The following MAGI1 variants were observed in gnomAD, a reference collection of about 807,000 sequenced individuals.
MAGI1 encodes the protein membrane associated guanylate kinase, WW and PDZ domain containing 1.
Under a neutral mutation model 139.9 loss-of-function variants are expected in MAGI1, and 58 were observed. The observed-to-expected ratio is 0.41, with a 90% CI of 0.34 to 0.52. MAGI1 has a LOEUF of 0.52. Ranked by LOEUF, MAGI1 falls within the 20% of genes least tolerant of loss-of-function variation. The pLI is 0.12. For missense variants in MAGI1, 1,874 were observed against 1,901.6 expected (o/e 0.99, Z 0.27); for synonymous variants, 812 against 737.9 (o/e 1.10, Z -1.63).
intron 1 of MAGI1, among the ~76,000 whole-genome samples, chr3:65,719,406 T>C (rs1431543983): frequency 1.3e-5 from 2 of 151,962 alleles, no homozygotes; most frequent in East Asian, 3.8e-4. Flanking sequence ...AAAAATATTA[T>C]GTATGATTTT....
At chr3:65,824,798 T>A (rs1189266218) in intron 1 of MAGI1, among the ~76,000 whole-genome samples, 2 of 152,218 alleles carry the variant, frequency 1.3e-5, no homozygotes, top group East Asian at 3.8e-4. Flanking sequence ...TAATTTAACC[T>A]CTTAGTAAGT....
intron 2 of MAGI1, among the ~76,000 whole-genome samples, chr3:65,615,381 C>T (rs2083318631): frequency 6.6e-6 from 1 of 152,126 alleles, no homozygotes; most frequent in African/African-American, 2.4e-5. Flanking sequence ...AGACAGAGTC[C>T]CCAAGAGAAG....
At chr3:65,506,965 T>A (rs1357281802) in intron 2 of MAGI1, among the ~76,000 whole-genome samples, 2 of 152,204 alleles carry the variant, frequency 1.3e-5, no homozygotes, top group Non-Finnish European at 2.9e-5. Flanking sequence ...CCTTCTCAAG[T>A]ATACAGCGAA....
intron 1 of MAGI1, among the ~76,000 whole-genome samples, chr3:65,714,831 C>G (rs1366356506): frequency 1.3e-5 from 2 of 152,106 alleles, no homozygotes; most frequent in Admixed American, 6.5e-5. Context: ...TTTAAATCAT[C>G]TGAAATTTCT....
At chr3:66,029,668 A>T (rs928977654) in intron 1 of MAGI1, among the ~76,000 whole-genome samples, 9 of 152,204 alleles carry the variant, frequency 5.9e-5, no homozygotes, top group African/African-American at 2.2e-4. Flanking sequence ...TTCTTGACTC[A>T]CTGGTCTCAC....
chr3:65,751,719 A>G (rs577931838), intron 1 of MAGI1, among the ~76,000 whole-genome samples: 1 of 152,336 alleles, frequency 6.6e-6, no homozygotes, highest in Admixed American at 6.5e-5. Flanking sequence ...AGATTTACAT[A>G]TGCATGTGCA....
At chr3:65,431,260 T>G (rs944442102) in intron 10 of MAGI1, among the ~76,000 whole-genome samples, 23 of 152,210 alleles carry the variant, frequency 1.5e-4, no homozygotes, top group Admixed American at 1.4e-3. Context: ...GTTTTAATTT[T>G]ATTTTGCTAT....
At chr3:65,469,939 T>C (rs1950451150) in intron 5 of MAGI1, 1 of 147,914 alleles carries the variant, frequency 6.8e-6, no homozygotes, top group African/African-American at 2.4e-5. Context: ...TATTTATAAA[T>C]ATATTTAAAT....
intron 3 of MAGI1, among the ~76,000 whole-genome samples, chr3:65,480,872 G>A (rs1211611069): frequency 3.3e-5 from 5 of 152,126 alleles, no homozygotes; most frequent in African/African-American, 1.2e-4. Flanking sequence ...ACAGGCATGA[G>A]CCACCATGCC....
intron 1 of MAGI1, among the ~76,000 whole-genome samples, chr3:65,786,805 C>G (rs751630086): frequency 6.6e-6 from 1 of 151,822 alleles, no homozygotes; most frequent in African/African-American, 2.4e-5. Flanking sequence ...TTAGTAGAGA[C>G]GGGATTTCAC....
intron 1 of MAGI1, among the ~76,000 whole-genome samples, chr3:65,945,650 T>A (rs1001814480): frequency 6.6e-6 from 1 of 152,208 alleles, no homozygotes; most frequent in Admixed American, 6.5e-5. Flanking sequence ...ATAAGGCAAA[T>A]GCCAAGGTGT....
chr3:65,439,676 G>A (rs1948111113), intron 9 of MAGI1, among the ~76,000 whole-genome samples: 1 of 152,284 alleles, frequency 6.6e-6, no homozygotes, highest in Non-Finnish European at 1.5e-5. Flanking sequence ...AGATTTGAGT[G>A]ACTTTGAATT....
At chr3:65,675,013 G>A (rs35479996) in intron 1 of MAGI1, among the ~76,000 whole-genome samples, 54,274 of 151,652 alleles carry the variant, frequency 0.36, 10,143 homozygotes, top group East Asian at 0.59. Context: ...CTTTCCAAGT[G>A]TTCATGGGGC....
intron 14 of MAGI1, among the ~76,000 whole-genome samples, chr3:65,390,252 G>A (rs985625610): frequency 6.6e-6 from 1 of 152,058 alleles, no homozygotes; most frequent in Non-Finnish European, 1.5e-5. Flanking sequence ...CACTCTTCCA[G>A]CTTCTCCCAG....
intron 1 of MAGI1, 68 bp downstream of exon 1, chr3:66,037,928 A>G: frequency 6.6e-7 from 1 of 1,510,614 alleles, no homozygotes; most frequent in South Asian, 1.3e-5. Context: ...GGAAATCGAG[A>G]ATAAGGGGCA....
At chr3:65,567,698 T>C (rs2080736534) in intron 2 of MAGI1, among the ~76,000 whole-genome samples, 1 of 152,022 alleles carries the variant, frequency 6.6e-6, no homozygotes, top group African/African-American at 2.4e-5. Flanking sequence ...TAGCTGGGCG[T>C]GGCAGCACAC....
intron 1 of MAGI1, among the ~76,000 whole-genome samples, chr3:65,822,958 C>T (rs2042028006): frequency 6.6e-6 from 1 of 152,194 alleles, no homozygotes; most frequent in South Asian, 2.1e-4. Flanking sequence ...AGATCCAAAC[C>T]ATATCACCAA....
chr3:65,691,127 C>T (rs957121274), intron 1 of MAGI1, among the ~76,000 whole-genome samples: 2 of 151,642 alleles, frequency 1.3e-5, no homozygotes, highest in Admixed American at 1.3e-4. Flanking sequence ...ACGGGGAAAC[C>T]CCGTCTCTAC....
At chr3:65,908,682 C>T (rs527534699) in intron 1 of MAGI1, among the ~76,000 whole-genome samples, 17 of 152,302 alleles carry the variant, frequency 1.1e-4, no homozygotes, top group African/African-American at 2.6e-4. Context: ...AAATCAGCTA[C>T]GTAAAAACTA....
Sources: allele counts gnomAD v4.1 joint callset (sites outside exome capture counted in the v4.1 genomes callset), GRCh38; gene constraint gnomAD v4.1.1; transcripts MANE v1.5; gene names NCBI Gene and HGNC (gene_info 2026-07-23, HGNC 2026-07-21).